MAD2L1: variants seen among roughly 807,000 people sequenced by gnomAD.
The protein encoded by MAD2L1 is mitotic arrest deficient 2 like 1.
Under a neutral mutation model 25.9 loss-of-function variants are expected in MAD2L1, and 10 were observed. The observed-to-expected ratio is 0.39, with a 90% confidence interval of 0.24 to 0.66. MAD2L1 has a LOEUF of 0.66. Ranked by LOEUF, MAD2L1 falls within the 30% of genes least tolerant of loss-of-function variation. MAD2L1 has a pLI of 0.49. For synonymous variants in MAD2L1, 81 were observed against 91.8 expected (o/e 0.88, Z 0.67); for missense variants, 180 against 246.4 (o/e 0.73, Z 1.80).
intron 2 of MAD2L1, among the ~76,000 whole-genome samples, 192 bp from the exon 3 acceptor site, chr4:120,062,287 C>T (rs116103005): frequency 2.0e-5 from 3 of 152,272 alleles, no homozygotes; most frequent in African/African-American, 7.2e-5. Context: ...GTATCAGGTA[C>T]AGTAATTGGT....
intron 1 of MAD2L1, among the ~76,000 whole-genome samples, 187 bp downstream of exon 1, chr4:120,066,475 G>A (rs1258960360): frequency 1.3e-5 from 2 of 152,222 alleles, no homozygotes; most frequent in East Asian, 3.9e-4. Context: ...CTCCGGAAGA[G>A]GCTACGCCGC....
rs895391796 is a variant in MAD2L1 at position 120,056,312 on chromosome 4, T to G, written c.*3806A>C. The G allele has an allele frequency of 2.2e-4, 33 of 152,228 alleles. No homozygotes were observed. The highest frequency in any genetic ancestry group is 7.7e-4 in the African/African-American group (32 of 41,464). 9.4% of individuals were successfully genotyped at this position (152,228 alleles called of 1,614,324 possible). A position where few individuals can be genotyped will look rare whatever the true frequency, so the allele number is the denominator to read the frequency against. On this transcript the variant is annotated 3_prime_UTR_variant, in exon 5 of 5. Coordinates refer to ENST00000296509, the MANE Select transcript of MAD2L1 (RefSeq NM_002358.4). ...TAGTAAATAATAAATGCTAAGTGTT[T>G]ATTCCCCTAATGTATTTATATATTT... is the stretch of plus-strand genomic sequence containing the variant.
At position 120,058,777 on chromosome 4, in the gene MAD2L1, A is replaced by T. The variant is rs1726154355; in HGVS notation, c.*1341T>A. On this transcript the variant is annotated 3_prime_UTR_variant, in exon 5 of 5. Coordinates refer to ENST00000296509, the MANE Select transcript of MAD2L1 (RefSeq NM_002358.4). ...TCCATAAAGATATGAAGAGTCTACA[A>T]ATTTGTCACTGAGAACCCAGAAACT... 1 of 152,236 alleles carries T rather than the reference A, an allele frequency of 6.6e-6. No homozygotes were observed. Among genetic ancestry groups the T allele is most frequent in the Non-Finnish European group, 1.5e-5 (1 of 68,050 alleles). 9.4% of individuals were successfully genotyped at this position (152,236 alleles called of 1,614,324 possible). A position where few individuals can be genotyped will look rare whatever the true frequency, so the allele number is the denominator to read the frequency against.
In MAD2L1 at chr4:120,059,215, C is replaced by T. The variant is rs1275361511; in HGVS notation, c.*903G>A. On this transcript the variant is annotated 3_prime_UTR_variant, in exon 5 of 5. Transcript: ENST00000296509. ...ATTCCAAAGGACATTTATCTTTTCA[C>T]AATGATGAAGTAATAGCCTTAAGTC... 1 of 152,148 alleles carries T rather than the reference C, an allele frequency of 6.6e-6. No individual in the cohort carries two copies. Among genetic ancestry groups the T allele is most frequent in the Non-Finnish European group, 1.5e-5 (1 of 68,022 alleles). 9.4% of individuals were successfully genotyped at this position (152,148 alleles called of 1,614,324 possible).
intron 1 of MAD2L1, among the ~76,000 whole-genome samples, chr4:120,066,305 A>C (rs1726318463): frequency 6.6e-6 from 1 of 152,042 alleles, no homozygotes; most frequent in African/African-American, 2.4e-5. Flanking sequence ...ATGCCCAATA[A>C]TCACTTTGAG....
rs927682930 is a variant in MAD2L1 at position 120,057,531 on chromosome 4, C to T, written c.*2587G>A. 3 of 152,392 alleles carry T rather than the reference C, an allele frequency of 2.0e-5. No individual in the cohort carries two copies. The highest frequency in any genetic ancestry group is 4.8e-5 in the African/African-American group (2 of 41,466). 9.4% of individuals were successfully genotyped at this position (152,392 alleles called of 1,614,324 possible). A position where few individuals can be genotyped will look rare whatever the true frequency, so the allele number is the denominator to read the frequency against. On this transcript the variant is annotated 3_prime_UTR_variant, in exon 5 of 5. Transcript: ENST00000296509. ...GGAAAAGGATCCTGAAAGCCAGATACAGTTCAGTTCCTCCTGGGCTCTACT... is the reference window on the plus strand; with the variant it reads ...GGAAAAGGATCCTGAAAGCCAGATATAGTTCAGTTCCTCCTGGGCTCTACT...
rs1726302503 is a variant in MAD2L1, at chr4:120,065,671, C to T, written c.220+1G>A. On this transcript the variant is annotated splice_donor_variant, in intron 2 of 4. Coordinates refer to ENST00000296509, the MANE Select transcript of MAD2L1 (RefSeq NM_002358.4). LOFTEE classifies it high-confidence loss of function. ...CAAATTGTTTCCAATGATTAAAATA[C>T]CTTTCAGTTGTTCCACCACATTATT... The T allele has an allele frequency of 6.2e-7, 1 of 1,613,058 alleles. No homozygotes were observed. Among genetic ancestry groups the T allele is most frequent in the Non-Finnish European group, 8.5e-7 (1 of 1,179,680 alleles).
chr4:120,060,315 A>G, intron 4 of MAD2L1, 25 bp from the exon 5 acceptor site: 3 of 1,550,548 alleles, frequency 1.9e-6, no homozygotes, highest in Non-Finnish European at 2.6e-6. Context: ...AGATCATTGA[A>G]GTATATTATT....
At position 120,059,955 on chromosome 4, in the gene MAD2L1, C is replaced by CA. The variant is rs369801593; in HGVS notation, c.*162dup. 3 of 531,646 alleles carry CA rather than the reference C, an allele frequency of 5.6e-6. No homozygotes were observed. Among genetic ancestry groups the CA allele is most frequent in the Non-Finnish European group, 9.5e-6 (3 of 314,522 alleles). 32.9% of individuals were successfully genotyped at this position (531,646 alleles called of 1,614,324 possible). A position where few individuals can be genotyped will look rare whatever the true frequency, so the allele number is the denominator to read the frequency against. ...ACTCCATGGTAAGTCAAATAGGTAC[C>CA]AAAAAAATAAAAGGAACAATTACAC... On this transcript the variant is annotated 3_prime_UTR_variant, in exon 5 of 5. Coordinates refer to ENST00000296509, the MANE Select transcript of MAD2L1 (RefSeq NM_002358.4).
rs536154789 is a variant in MAD2L1, at chr4:120,064,944, C to T, written c.220+728G>A. Among the ~76,000 whole-genome samples the T allele has an allele frequency of 1.2e-3, 174 of 150,940 alleles. 1 individual carries two copies. The Middle Eastern group carries it at 0.024, about 21-fold the overall frequency. On this transcript the variant is annotated intron_variant, in intron 2 of 4. Transcript: ENST00000296509. ...ATTTTAGAAGATCAAATGGGAGAAA[C>T]ACTTGAACAATTAGAAATGAGAATC... is the stretch of plus-strand genomic sequence containing the variant.
rs1334683755 is a variant in MAD2L1, at chr4:120,060,276, G to C, written c.460C>G (p.Leu154Val). 1.9e-6 allele frequency: 3 copies of C among 1,606,606 alleles called. No homozygotes were observed. Among genetic ancestry groups the C allele is most frequent in the Non-Finnish European group, 2.6e-6 (3 of 1,175,296 alleles). ...LLEVSCSFDL[L>V]IYTDKDLVVP... ...ACCAAATCTTTGTCTGTATAAATCA[G>C]CAGATCAAATGAACCTAAATTGGGG... Residue 154 changes from leucine (L) to valine (V), a missense_variant, in exon 5 of 5, where the codon CTG becomes GTG. Transcript: ENST00000296509.
Position 120,056,622 on chromosome 4 carries a change from A to T in MAD2L1, c.*3496T>A, listed in dbSNP as rs1013368996. 1.3e-5 allele frequency: 2 copies of T among 152,242 alleles called. No homozygotes were observed. The highest frequency in any genetic ancestry group is 4.8e-5 in the African/African-American group (2 of 41,458). 9.4% of individuals were successfully genotyped at this position (152,242 alleles called of 1,614,324 possible). ...TATATGCTAAAATATATAGGAAGTC[A>T]GTATAATTAGCATTATACTAATAAA... On this transcript the variant is annotated 3_prime_UTR_variant, in exon 5 of 5. Transcript: ENST00000296509.
At chr4:120,060,414 T>C (rs1030289477) in intron 4 of MAD2L1, 124 bp from the exon 5 acceptor site, 3 of 633,332 alleles carry the variant, frequency 4.7e-6, no homozygotes, top group African/African-American at 1.8e-5. Flanking sequence ...CTCCAATCAC[T>C]AGTTAATTTA....
chr4:120,062,353 A>G (rs1726235631), intron 2 of MAD2L1, among the ~76,000 whole-genome samples: 1 of 152,220 alleles, frequency 6.6e-6, no homozygotes, highest in South Asian at 2.1e-4. Context: ...ACATAAAAGC[A>G]TAGGAGATGG....
In MAD2L1 at chr4:120,060,980, G is replaced by A; in HGVS notation, c.342-3C>T. On this transcript the variant is annotated splice_region_variant and splice_polypyrimidine_tract_variant and intron_variant, in intron 3 of 4. Coordinates refer to ENST00000296509, the MANE Select transcript of MAD2L1 (RefSeq NM_002358.4). ...TCTGAGACTTTTCTCTGGGTGCACT[G>A]TCAAAAAAAAATCAAATCAATTAAT... 6.4e-7 allele frequency: 1 copy of A among 1,565,988 alleles called. No individual in the cohort carries two copies. Among genetic ancestry groups the A allele is most frequent in the Non-Finnish European group, 8.8e-7 (1 of 1,139,800 alleles).
At chr4:120,060,318 A>C (rs751890672) in intron 4 of MAD2L1, 28 bp from the exon 5 acceptor site, 2 of 1,533,106 alleles carry the variant, frequency 1.3e-6, no homozygotes, top group Non-Finnish European at 1.8e-6. Context: ...TCATTGAAGT[A>C]TATTATTTTC....
chr4:120,060,370 C>G, intron 4 of MAD2L1, 80 bp from the exon 5 acceptor site: 1 of 1,149,414 alleles, frequency 8.7e-7, no homozygotes. Context: ...CTATTTTGAA[C>G]CACTCACTGC....
intron 1 of MAD2L1, 110 bp downstream of exon 1, chr4:120,066,552 G>A: frequency 1.0e-6 from 1 of 973,412 alleles, no homozygotes; most frequent in Non-Finnish European, 1.5e-6. Context: ...GGAAGCGCCT[G>A]CAGCCGCCTC....
chr4:120,059,346 A>C lies in MAD2L1; in HGVS notation c.*772T>G, dbSNP rs1270651368. ...CCTTAAGTTCTATAACTTCGTAGGA[A>C]CAAGAATTCATTAGCTATGCTGAAT... On this transcript the variant is annotated 3_prime_UTR_variant, in exon 5 of 5. Coordinates refer to ENST00000296509, the MANE Select transcript of MAD2L1 (RefSeq NM_002358.4). 6.6e-6 allele frequency: 1 copy of C among 152,202 alleles called. No homozygotes were observed. The highest frequency in any genetic ancestry group is 2.4e-5 in the African/African-American group (1 of 41,468). 9.4% of individuals were successfully genotyped at this position (152,202 alleles called of 1,614,324 possible). A position where few individuals can be genotyped will look rare whatever the true frequency, so the allele number is the denominator to read the frequency against.
Sources: gnomAD v4.1 joint callset for allele counts (sites outside exome capture counted in the v4.1 genomes callset) on GRCh38, gnomAD v4.1.1 for gene constraint, MANE v1.5 for transcripts, NCBI Gene and HGNC (gene_info 2026-07-23, HGNC 2026-07-21) for gene names.